Variants in PDE11A observed in about 807,000 individuals in gnomAD.
PDE11A encodes phosphodiesterase 11A.
A neutral mutation model predicts 100.5 loss-of-function variants in PDE11A; 100 were observed. The ratio of observed to expected loss-of-function variants is 1.00; its 90% CI spans 0.85 to 1.18. The LOEUF is 1.18. Among genes scored for constraint, PDE11A ranks in the 50% most tolerant of loss-of-function variants. The pLI, the probability that PDE11A is intolerant of heterozygous loss-of-function variation, is 0.00. For missense variants in PDE11A, 1,141 were observed against 1,152.6 expected (o/e 0.99, Z 0.15); for synonymous variants, 381 against 420.8 (o/e 0.91, Z 1.16).
At chr2:177,674,270 C>T (rs1001092118) in intron 17 of PDE11A, among the ~76,000 whole-genome samples, 5 of 152,180 alleles carry the variant, frequency 3.3e-5, no homozygotes, top group African/African-American at 1.2e-4. Context: ...CCTAAGGCTG[C>T]TGTAAATTAC....
chr2:177,856,690 G>A (rs1485009385), intron 5 of PDE11A, among the ~76,000 whole-genome samples: 2 of 151,998 alleles, frequency 1.3e-5, no homozygotes, highest in Non-Finnish European at 2.9e-5. Flanking sequence ...CAGCATGTTT[G>A]AAAAGGCAGA....
chr2:177,836,709 T>C (rs1018578081), intron 6 of PDE11A, among the ~76,000 whole-genome samples: 1 of 152,182 alleles, frequency 6.6e-6, no homozygotes, highest in African/African-American at 2.4e-5. Context: ...AGCGAAGGTC[T>C]GCATCTTCAC....
chr2:177,675,584 C>T (rs1451345293), intron 16 of PDE11A, 66 bp from the exon 17 acceptor site: 1 of 1,135,830 alleles, frequency 8.8e-7, no homozygotes. Context: ...CAAACCCGTC[C>T]TAGATACATA....
intron 14 of PDE11A, 94 bp from the exon 15 acceptor site, chr2:177,697,526 T>C: frequency 2.8e-6 from 2 of 714,552 alleles, no homozygotes; most frequent in Non-Finnish European, 5.1e-6. Context: ...CTGGGAACAT[T>C]AAAAAAATCA....
At chr2:178,031,678 A>G (rs2086549455) in intron 1 of PDE11A, among the ~76,000 whole-genome samples, 1 of 152,216 alleles carries the variant, frequency 6.6e-6, no homozygotes, top group African/African-American at 2.4e-5. Flanking sequence ...TTGGAAAAAA[A>G]TATATATCAT....
At chr2:177,950,580 G>C (rs2085494112) in intron 2 of PDE11A, among the ~76,000 whole-genome samples, 1 of 152,130 alleles carries the variant, frequency 6.6e-6, no homozygotes, top group Non-Finnish European at 1.5e-5. Context: ...GGGAGAAATG[G>C]GAAGAAAAGG....
intron 15 of PDE11A, chr2:177,688,416 T>C (rs1315163437): frequency 1.3e-5 from 2 of 152,214 alleles, no homozygotes; most frequent in Non-Finnish European, 2.9e-5. Context: ...TAAATGTACA[T>C]GTGTATATAG....
At chr2:177,867,285 C>T (rs1426672013) in intron 5 of PDE11A, among the ~76,000 whole-genome samples, 1 of 152,166 alleles carries the variant, frequency 6.6e-6, no homozygotes, top group Non-Finnish European at 1.5e-5. Context: ...ACCAGGGTTG[C>T]ATGCTTTTGA....
At chr2:177,841,279 T>C (rs1037882873) in intron 5 of PDE11A, among the ~76,000 whole-genome samples, 2 of 152,136 alleles carry the variant, frequency 1.3e-5, no homozygotes, top group Non-Finnish European at 2.9e-5. Flanking sequence ...TTCAAATTAG[T>C]ATTGGCAAGG....
intron 10 of PDE11A, among the ~76,000 whole-genome samples, chr2:177,745,676 C>T (rs2081937776): frequency 6.6e-6 from 1 of 152,208 alleles, no homozygotes; most frequent in Non-Finnish European, 1.5e-5. Flanking sequence ...GAGCCCAGGC[C>T]TTATGCTGGA....
At chr2:177,824,100 T>A (rs115279232) in intron 6 of PDE11A, among the ~76,000 whole-genome samples, 1,951 of 152,266 alleles carry the variant, frequency 0.013, 41 homozygotes, top group African/African-American at 0.044. Context: ...CAAAAGAGTT[T>A]TTTTTTTTCT....
intron 9 of PDE11A, among the ~76,000 whole-genome samples, chr2:177,803,911 T>G (rs965651264): frequency 7.9e-5 from 12 of 151,760 alleles, no homozygotes; most frequent in African/African-American, 2.9e-4. Context: ...GATAACCATA[T>G]GCAGAAGAAT....
chr2:177,675,800 G>A, intron 16 of PDE11A: 1 of 556,516 alleles, frequency 1.8e-6, no homozygotes, highest in Non-Finnish European at 3.4e-6. Context: ...CTGTACACCT[G>A]AGCTAAGCAA....
chr2:177,649,023 GATC>G (rs2105457398), intron 19 of PDE11A, among the ~76,000 whole-genome samples: 1 of 152,116 alleles, frequency 6.6e-6, no homozygotes, highest in African/African-American at 2.4e-5. Flanking sequence ...CTAAAAATAT[GATC>G]ATACTTATTT....
At chr2:177,820,378 A>G in intron 6 of PDE11A, 83 bp from the exon 7 acceptor site, 2 of 814,898 alleles carry the variant, frequency 2.5e-6, no homozygotes, top group Non-Finnish European at 4.2e-6. Flanking sequence ...TTCATAACAG[A>G]TATTCAAAAA....
At chr2:177,650,872 C>A (rs772256906) in intron 19 of PDE11A, among the ~76,000 whole-genome samples, 1 of 152,050 alleles carries the variant, frequency 6.6e-6, no homozygotes, top group African/African-American at 2.4e-5. Flanking sequence ...ATAAAAATAG[C>A]ATGTTTCTTC....
At chr2:177,919,430 A>G (rs2085005587) in intron 2 of PDE11A, among the ~76,000 whole-genome samples, 1 of 152,164 alleles carries the variant, frequency 6.6e-6, no homozygotes, top group African/African-American at 2.4e-5. Flanking sequence ...CCTGTATATT[A>G]GAAAGTTGAA....
rs990367176 is a variant in PDE11A at position 177,626,055 on chromosome 2, T to C, written c.*3352A>G. 6.5e-5 allele frequency: 10 copies of C among 152,742 alleles called. No homozygotes were observed. Among genetic ancestry groups the C allele is most frequent in the African/African-American group, 2.4e-4 (10 of 41,556 alleles). The allele number at this position is 152,742 out of a possible 1,614,324, so 9.5% of individuals were successfully genotyped here. A position where few individuals can be genotyped will look rare whatever the true frequency, so the allele number is the denominator to read the frequency against. On this transcript the variant is annotated 3_prime_UTR_variant, in exon 20 of 20. Transcript: ENST00000286063. Reference sequence around the variant, plus strand: ...TGTCAGGGCTCCACTGTATGGCAGATTGCAATGGTGTTGAACTCCCCTTGC... The same window carrying C: ...TGTCAGGGCTCCACTGTATGGCAGACTGCAATGGTGTTGAACTCCCCTTGC...
intron 10 of PDE11A, among the ~76,000 whole-genome samples, chr2:177,752,302 C>T (rs1366472885): frequency 6.6e-6 from 1 of 152,112 alleles, no homozygotes; most frequent in South Asian, 2.1e-4. Flanking sequence ...TCTTTCATTA[C>T]TCAAAAAATA....
Sources: gnomAD v4.1 joint callset for allele counts (sites outside exome capture counted in the v4.1 genomes callset) on GRCh38, gnomAD v4.1.1 for gene constraint, MANE v1.5 for transcripts, NCBI Gene and HGNC (gene_info 2026-07-23, HGNC 2026-07-21) for gene names.